The following ANO10 variants were observed in gnomAD, a reference collection of about 807,000 sequenced individuals.
ANO10 encodes anoctamin-10.
A neutral mutation model predicts 74.7 loss-of-function variants in ANO10; 77 were observed. The observed-to-expected ratio is 1.03, with a 90% CI of 0.86 to 1.25. ANO10 has a LOEUF of 1.25. Among genes scored for constraint, ANO10 ranks in the 50% most tolerant of loss-of-function variants. The pLI, the probability that ANO10 is intolerant of heterozygous loss-of-function variation, is 0.00. For missense variants in ANO10, 721 were observed against 778.1 expected (o/e 0.93, Z 0.87); for synonymous variants, 279 against 284.9 (o/e 0.98, Z 0.21).
intron 12 of ANO10, among the ~76,000 whole-genome samples, chr3:43,426,267 A>G (rs2092899037): frequency 6.6e-6 from 1 of 152,194 alleles, no homozygotes; most frequent in African/African-American, 2.4e-5. Context: ...GTTCCCTGGG[A>G]CTATGGTCAC....
At chr3:43,476,665 G>T (rs148597302) in intron 11 of ANO10, among the ~76,000 whole-genome samples, 3,052 of 152,076 alleles carry the variant, frequency 0.02, 66 homozygotes, top group African/African-American at 0.055. Context: ...GTTTTTATCG[G>T]TTTTTTCCCT....
At chr3:43,375,213 A>G (rs2125682613) in intron 12 of ANO10, among the ~76,000 whole-genome samples, 1 of 152,242 alleles carries the variant, frequency 6.6e-6, no homozygotes, top group African/African-American at 2.4e-5. Flanking sequence ...TGGGAGGCCA[A>G]GGCAGGTGGA....
At chr3:43,444,713 C>T (rs2093215903) in intron 11 of ANO10, among the ~76,000 whole-genome samples, 1 of 152,106 alleles carries the variant, frequency 6.6e-6, no homozygotes, top group African/African-American at 2.4e-5. Context: ...AACACACAAT[C>T]GACCTCCTGT....
intron 12 of ANO10, among the ~76,000 whole-genome samples, chr3:43,414,043 A>T (rs1344840152): frequency 6.6e-6 from 1 of 152,156 alleles, no homozygotes; most frequent in Non-Finnish European, 1.5e-5. Flanking sequence ...TTGAGACAAG[A>T]GCTTTGAAGA....
At chr3:43,519,606 A>G (rs1423179606) in intron 11 of ANO10, among the ~76,000 whole-genome samples, 2 of 152,082 alleles carry the variant, frequency 1.3e-5, no homozygotes, top group Admixed American at 1.3e-4. Context: ...TTGTCCTCCT[A>G]TAAGGTAGTG....
intron 1 of ANO10, among the ~76,000 whole-genome samples, chr3:43,636,153 A>C (rs1272009372): frequency 6.6e-6 from 1 of 152,162 alleles, no homozygotes; most frequent in Non-Finnish European, 1.5e-5. Context: ...TAGGTAGGGG[A>C]GTGAAGAAGA....
chr3:43,559,904 G>C (rs372413906), intron 9 of ANO10, among the ~76,000 whole-genome samples: 1 of 152,208 alleles, frequency 6.6e-6, no homozygotes, highest in South Asian at 2.1e-4. Context: ...CTGTGAGACA[G>C]AGTAGGTGTG....
At chr3:43,424,108 C>T (rs2092861945) in intron 12 of ANO10, among the ~76,000 whole-genome samples, 1 of 152,202 alleles carries the variant, frequency 6.6e-6, no homozygotes, top group South Asian at 2.1e-4. Context: ...ATTCCAGCCT[C>T]ATTCTGACTT....
At chr3:43,652,030 TG>T (rs2083793209) in intron 1 of ANO10, among the ~76,000 whole-genome samples, 1 of 152,046 alleles carries the variant, frequency 6.6e-6, no homozygotes. Flanking sequence ...TCCATGTTCT[TG>T]GGTCAGAGGA....
At chr3:43,597,433 T>TA (rs2082142850) in intron 4 of ANO10, among the ~76,000 whole-genome samples, 1 of 152,094 alleles carries the variant, frequency 6.6e-6, no homozygotes, top group South Asian at 2.1e-4. Context: ...TATGCAGCCA[T>TA]AAAAAATGAT....
chr3:43,527,978 C>T (rs539637747), intron 11 of ANO10, among the ~76,000 whole-genome samples: 28 of 152,002 alleles, frequency 1.8e-4, no homozygotes, highest in African/African-American at 6.0e-4. Context: ...TGAAGATTAT[C>T]GGAAAGAAGA....
chr3:43,615,532 GAA>G (rs1292170223), intron 1 of ANO10, among the ~76,000 whole-genome samples: 1 of 151,536 alleles, frequency 6.6e-6, no homozygotes, highest in Non-Finnish European at 1.5e-5. Context: ...TTTATAATCA[GAA>G]AAAAAGTGGC....
At chr3:43,413,725 A>C (rs115000863) in intron 12 of ANO10, among the ~76,000 whole-genome samples, 8 of 150,550 alleles carry the variant, frequency 5.3e-5, no homozygotes, top group African/African-American at 2.0e-4. Context: ...GTTTATGATC[A>C]TCAACAGCGG....
intron 11 of ANO10, among the ~76,000 whole-genome samples, chr3:43,472,314 A>T (rs2075888727): frequency 6.6e-6 from 1 of 152,128 alleles, no homozygotes; most frequent in African/African-American, 2.4e-5. Context: ...TATTACATGA[A>T]TTAATACAAA....
At chr3:43,458,009 T>C (rs941240952) in intron 11 of ANO10, among the ~76,000 whole-genome samples, 2 of 152,172 alleles carry the variant, frequency 1.3e-5, no homozygotes, top group African/African-American at 4.8e-5. Flanking sequence ...TAAGTTTCTT[T>C]GTCTCCCTTT....
intron 1 of ANO10, among the ~76,000 whole-genome samples, chr3:43,609,375 C>T (rs189815087): frequency 1.3e-5 from 2 of 152,202 alleles, no homozygotes; most frequent in East Asian, 3.9e-4. Flanking sequence ...TGACCTAAAG[C>T]AAAATTAAAT....
At chr3:43,502,119 A>G (rs1283358437) in intron 11 of ANO10, among the ~76,000 whole-genome samples, 1 of 152,218 alleles carries the variant, frequency 6.6e-6, no homozygotes, top group Non-Finnish European at 1.5e-5. Context: ...CAAATAATTA[A>G]AAATAGAATT....
At chr3:43,513,325 A>G (rs1256147739) in intron 11 of ANO10, among the ~76,000 whole-genome samples, 1 of 152,138 alleles carries the variant, frequency 6.6e-6, no homozygotes, top group African/African-American at 2.4e-5. Context: ...GAAGTAAACT[A>G]TTGTATGGTT....
intron 1 of ANO10, among the ~76,000 whole-genome samples, chr3:43,683,319 T>C (rs928382391): frequency 6.6e-6 from 1 of 152,058 alleles, no homozygotes; most frequent in Non-Finnish European, 1.5e-5. Context: ...CATGAGTGAA[T>C]TACCATTCAC....
Sources: allele counts gnomAD v4.1 joint callset (sites outside exome capture counted in the v4.1 genomes callset), GRCh38; gene constraint gnomAD v4.1.1; transcripts MANE v1.5; gene names NCBI Gene and HGNC (gene_info 2026-07-23, HGNC 2026-07-21).